PLIN3: variants seen among roughly 807,000 people sequenced by gnomAD.
PLIN3 encodes perilipin 3, also known as perilipin-3.
Under a neutral mutation model 35.9 loss-of-function variants are expected in PLIN3, and 30 were observed. The ratio of observed to expected loss-of-function variants is 0.84; its 90% CI spans 0.62 to 1.13. PLIN3 has a LOEUF of 1.13. PLIN3 is among the 50% of genes most tolerant of loss of function. The probability of loss-of-function intolerance (pLI) is 0.00; values close to 1 mark genes in which losing one functional copy is unlikely to be tolerated. For synonymous variants in PLIN3, 261 were observed against 262.5 expected (o/e 0.99, Z 0.06); for missense variants, 603 against 596.9 (o/e 1.01, Z -0.11).
intron 7 of PLIN3, among the ~76,000 whole-genome samples, chr19:4,843,007 G>A (rs1238856215): frequency 7.1e-6 from 1 of 141,364 alleles, no homozygotes; most frequent in Non-Finnish European, 1.5e-5. Flanking sequence ...GATCACCTGC[G>A]GTCAGGAGTT....
At chr19:4,850,587 ATT>A (rs71170860) in intron 5 of PLIN3, among the ~76,000 whole-genome samples, 424 of 124,532 alleles carry the variant, frequency 3.4e-3, no homozygotes, top group Middle Eastern at 0.031. Flanking sequence ...CGCCCGGCTA[ATT>A]TTTTTTTTTT....
At chr19:4,855,552 G>A (rs1327560819) in intron 4 of PLIN3, among the ~76,000 whole-genome samples, 1 of 152,132 alleles carries the variant, frequency 6.6e-6, no homozygotes, top group Non-Finnish European at 1.5e-5. Context: ...AGCACTTTGG[G>A]AAGCCAAGGC....
At chr19:4,852,527 T>C (rs1407098894) in intron 4 of PLIN3, among the ~76,000 whole-genome samples, 1 of 152,198 alleles carries the variant, frequency 6.6e-6, no homozygotes, top group Non-Finnish European at 1.5e-5. Context: ...TCTGGAGTTG[T>C]GGGCATGACC....
chr19:4,858,270 CAAAA>C (rs1188330437), intron 4 of PLIN3, among the ~76,000 whole-genome samples: 1 of 51,238 alleles, frequency 2.0e-5, no homozygotes, highest in Non-Finnish European at 3.3e-5. Context: ...GACCCCGTCT[CAAAA>C]AAAAAAAAAA....
intron 2 of PLIN3, among the ~76,000 whole-genome samples, chr19:4,860,741 C>T (rs537617223): frequency 3.8e-4 from 57 of 151,938 alleles, no homozygotes; most frequent in African/African-American, 1.3e-3. Context: ...GAGACCGAGG[C>T]GGGTGGGTCA....
chr19:4,845,797 G>A lies in PLIN3; in HGVS notation c.835-1004C>T, dbSNP rs562141618. Among the ~76,000 whole-genome samples, 19 of 149,766 alleles carry A rather than the reference G, an allele frequency of 1.3e-4. No individual in the cohort carries two copies. The South Asian group carries it at 2.3e-3, about 18-fold the overall frequency. ...AAATTAGCCCAGCGTGGTGGTGGGC[G>A]CCTGTAGTCCCAGCTACTCGGGAGG... is the stretch of plus-strand genomic sequence containing the variant. On this transcript the variant is annotated intron_variant, in intron 6 of 7. Transcript: ENST00000221957.
chr19:4,847,851 G>A lies in PLIN3; in HGVS notation c.674C>T (p.Ser225Phe), dbSNP rs1298202946. The A allele has an allele frequency of 2.5e-6, 4 of 1,613,966 alleles. No homozygotes were observed. Among genetic ancestry groups the A allele is most frequent in the Non-Finnish European group, 3.4e-6 (4 of 1,179,980 alleles). Residue 225 changes from serine (S) to phenylalanine (F), a missense_variant, in exon 6 of 8, where the codon TCC becomes TTC. Transcript: ENST00000221957. ...ATSLDGFDVA[S>F]VQQQRQEQSY... is the part of the protein sequence containing the mutation. Reference sequence around the variant, plus strand: ...CTGTTCCTGCCGCTGCTGCTGCACGGACGCGACGTCAAAGCCATCCAGGGA... The same window carrying A: ...CTGTTCCTGCCGCTGCTGCTGCACGAACGCGACGTCAAAGCCATCCAGGGA...
intron 5 of PLIN3, among the ~76,000 whole-genome samples, chr19:4,851,096 G>T (rs12979855): frequency 0.61 from 92,110 of 151,864 alleles, 28,190 homozygotes; most frequent in South Asian, 0.65. Context: ...CCCAGGAGTT[G>T]GAGGCTGCAT....
chr19:4,839,260 G>A lies in PLIN3; in HGVS notation c.1237C>T (p.Pro413Ser), dbSNP rs940260559. The part of the protein sequence containing the change: ...HMVEYVAQNT[P>S]VTWLVGPFAP... Reference sequence around the variant, plus strand: ...AAGGGTCCCACGAGCCACGTGACAGGTGTGTTCTGGGCCACATATTCCACC... The same window carrying A: ...AAGGGTCCCACGAGCCACGTGACAGATGTGTTCTGGGCCACATATTCCACC... Residue 413 changes from proline (P) to serine (S), a missense_variant, in exon 8 of 8, where the codon CCT becomes TCT. Pro to Ser is a moderately conservative substitution (Grantham distance 74). Transcript: ENST00000221957. The A allele has an allele frequency of 2.5e-6, 4 of 1,613,654 alleles. No homozygotes were observed. The highest frequency in any genetic ancestry group is 2.7e-5 in the African/African-American group (2 of 74,906).
intron 6 of PLIN3, 50 bp from the exon 7 acceptor site, chr19:4,844,843 C>A (rs765029324): frequency 1.9e-4 from 294 of 1,521,928 alleles, no homozygotes; most frequent in Middle Eastern, 5.2e-4. Context: ...CTGGGAGAGA[C>A]GGGATTCCAG....
chr19:4,864,113 G>A (rs1416928510), intron 1 of PLIN3, among the ~76,000 whole-genome samples: 7 of 10,344 alleles, frequency 6.8e-4, no homozygotes, highest in South Asian at 2.2e-3. Flanking sequence ...GTGTGTGTGT[G>A]TGTGTGTGTG....
In PLIN3 at chr19:4,839,418, T is replaced by C. The variant is rs1285846237; in HGVS notation, c.1079A>G (p.Gln360Arg). Reference protein sequence around the residue: ...GLPTNVKDQVQQARRQVEDLQ... With the variant: ...GLPTNVKDQVRQARRQVEDLQ... ...GTCCTCCACCTGGCGGCGGGCCTGC[T>C]GCACCTGGTCCTTCACATTGGTGGG... The change falls in exon 8 of 8, where the codon CAG (glutamine) becomes CGG (arginine). Residue 360 changes from glutamine to arginine, a missense_variant. Gln to Arg is a conservative substitution (Grantham distance 43). Coordinates refer to ENST00000221957, the MANE Select transcript of PLIN3 (RefSeq NM_005817.5). The C allele has an allele frequency of 4.4e-6, 7 of 1,608,580 alleles. No individual in the cohort carries two copies. The highest frequency in any genetic ancestry group is 6.0e-6 in the Non-Finnish European group (7 of 1,175,824).
rs1199061476 is a variant in PLIN3 at position 4,844,755 on chromosome 19, C to T, written c.873G>A (p.Val291=). 1 of 1,602,930 alleles carries T rather than the reference C, an allele frequency of 6.2e-7. No individual in the cohort carries two copies. Among genetic ancestry groups the T allele is most frequent in the Non-Finnish European group, 8.5e-7 (1 of 1,175,138 alleles). ...TVKQGVDQKL[V]EGQEKLHQMW... ...TCTGGTGCAGCTTCTCCTGGCCTTC[C>T]ACCAGCTTCTGATCAACGCCTTGCT... Residue 291 remains valine, a synonymous_variant, in exon 7 of 8, where the codon GTG becomes GTA. Transcript: ENST00000221957.
intron 1 of PLIN3, among the ~76,000 whole-genome samples, chr19:4,864,128 TG>T (rs2030767696): frequency 7.1e-6 from 1 of 140,064 alleles, no homozygotes; most frequent in African/African-American, 2.6e-5. Context: ...TGTGTGTGTG[TG>T]TGTGTGTGTG....
chr19:4,861,485 A>G, intron 1 of PLIN3, 74 bp from the exon 2 acceptor site: 2 of 1,052,120 alleles, frequency 1.9e-6, no homozygotes, highest in Non-Finnish European at 2.9e-6. Flanking sequence ...CCCACGCTGC[A>G]GCTGGAAGAC....
rs898123832 is a variant in PLIN3 at position 4,847,860 on chromosome 19, T to G, written c.665A>C (p.Asp222Ala). ...ARIATSLDGF[D>A]VASVQQQRQE... is the part of the protein sequence containing the mutation. ...CCGCTGCTGCTGCACGGACGCGACG[T>G]CAAAGCCATCCAGGGATGTGGCGAT... The change falls in exon 6 of 8, where the codon GAC becomes GCC. Residue 222 changes from aspartate (D) to alanine (A), a missense_variant. By Grantham distance (126) the Asp-to-Ala change is moderately radical (BLOSUM62 -2). Transcript: ENST00000221957. 3 of 1,613,786 alleles carry G rather than the reference T, an allele frequency of 1.9e-6. No individual in the cohort carries two copies. Among genetic ancestry groups the G allele is most frequent in the Admixed American group, 1.7e-5 (1 of 59,884 alleles).
chr19:4,839,143 G>T lies in PLIN3; in HGVS notation c.*49C>A. The T allele has an allele frequency of 6.9e-7, 1 of 1,451,528 alleles. No homozygotes were observed. 89.9% of individuals were successfully genotyped at this position (1,451,528 alleles called of 1,614,324 possible). On this transcript the variant is annotated 3_prime_UTR_variant, in exon 8 of 8. Transcript: ENST00000221957. ...TGAGCCCCGGGTTGAGGACTCCAGA[G>T]CACAGCTGCATTATAGAGACGGGGC...
chr19:4,839,554 G>A lies in PLIN3; in HGVS notation c.961-18C>T. On this transcript the variant is annotated intron_variant, in intron 7 of 7. Transcript: ENST00000221957. ...TCGACCTGCTGAGAAGGGAGATGGG[G>A]ACACCAATCAGGACCATTTGTTTCA... is the stretch of plus-strand genomic sequence containing the variant. 1 of 1,497,334 alleles carries A rather than the reference G, an allele frequency of 6.7e-7. No homozygotes were observed. Among genetic ancestry groups the A allele is most frequent in the Non-Finnish European group, 8.9e-7 (1 of 1,119,436 alleles). 92.8% of individuals were successfully genotyped at this position (1,497,334 alleles called of 1,614,324 possible).
At chr19:4,866,159 A>G (rs2146221181) in intron 1 of PLIN3, among the ~76,000 whole-genome samples, 1 of 151,978 alleles carries the variant, frequency 6.6e-6, no homozygotes, top group South Asian at 2.1e-4. Context: ...CTGGGAATAC[A>G]GGTGCCCGCC....
Sources: allele counts gnomAD v4.1 joint callset (sites outside exome capture counted in the v4.1 genomes callset), GRCh38; gene constraint gnomAD v4.1.1; transcripts MANE v1.5; gene names NCBI Gene and HGNC (gene_info 2026-07-23, HGNC 2026-07-21).